CMTM8: variants seen among roughly 807,000 people sequenced by gnomAD.
CMTM8 encodes CKLF like MARVEL transmembrane domain containing 8, also known as CKLF-like MARVEL transmembrane domain-containing protein 8.
A neutral mutation model predicts 18.6 loss-of-function variants in CMTM8; 12 were observed. The observed-to-expected ratio is 0.65, with a 90% CI of 0.41 to 1.05. CMTM8 has a LOEUF of 1.05. CMTM8 is among the 50% of genes least tolerant of loss of function. CMTM8 has a pLI of 0.00. For missense variants in CMTM8, 217 were observed against 227.2 expected (o/e 0.95, Z 0.29); for synonymous variants, 87 against 90.6 (o/e 0.96, Z 0.23).
Position 32,239,018 on chromosome 3 carries a change from G to T in CMTM8, c.46G>T (p.Ala16Ser). The change falls in exon 1 of 4, where the codon GCC becomes TCC. Residue 16 changes from alanine to serine, a missense_variant. Physicochemically the swap from Ala to Ser is moderately conservative, Grantham distance 99 (BLOSUM62 1). Coordinates refer to ENST00000307526, the MANE Select transcript of CMTM8 (RefSeq NM_178868.5). ...RARSHTVTTT[A>S]SSFAENFSTS... ...CCGCTCGCACACAGTCACCACCACCGCCAGCTCCTTCGCAGAGAACTTCTC... is the reference window on the plus strand; with the variant it reads ...CCGCTCGCACACAGTCACCACCACCTCCAGCTCCTTCGCAGAGAACTTCTC... The T allele has an allele frequency of 6.4e-7, 1 of 1,567,052 alleles. No homozygotes were observed. Among genetic ancestry groups the T allele is most frequent in the Non-Finnish European group, 8.6e-7 (1 of 1,156,622 alleles).
chr3:32,317,174 G>C (rs11129515), intron 1 of CMTM8, among the ~76,000 whole-genome samples: 8 of 152,066 alleles, frequency 5.3e-5, no homozygotes, highest in African/African-American at 1.9e-4. Flanking sequence ...ACAGTTGGTC[G>C]TAGGATTGAC....
At chr3:32,316,579 T>C (rs1695936679) in intron 1 of CMTM8, among the ~76,000 whole-genome samples, 1 of 152,216 alleles carries the variant, frequency 6.6e-6, no homozygotes, top group African/African-American at 2.4e-5. Flanking sequence ...GTATAGAGCC[T>C]GATGGAGATG....
intron 2 of CMTM8, among the ~76,000 whole-genome samples, chr3:32,360,285 A>G (rs1452057159): frequency 6.6e-6 from 1 of 152,232 alleles, no homozygotes; most frequent in Non-Finnish European, 1.5e-5. Context: ...TTGTTTTCTA[A>G]GGCAATCTAG....
chr3:32,318,692 G>T (rs140490272), intron 1 of CMTM8, among the ~76,000 whole-genome samples: 7 of 148,818 alleles, frequency 4.7e-5, no homozygotes, highest in African/African-American at 1.7e-4. Flanking sequence ...TCAGCCTCCC[G>T]AGTACCTGGG....
intron 2 of CMTM8, among the ~76,000 whole-genome samples, chr3:32,362,170 A>T (rs140163235): frequency 2.7e-5 from 4 of 149,852 alleles, no homozygotes; most frequent in Non-Finnish European, 5.9e-5. Flanking sequence ...CCTCCTGAGT[A>T]TCTGGGATTA....
chr3:32,327,613 G>C (rs1696187991), intron 1 of CMTM8, among the ~76,000 whole-genome samples: 1 of 152,216 alleles, frequency 6.6e-6, no homozygotes, highest in South Asian at 2.1e-4. Flanking sequence ...GGCTTTCAGA[G>C]GGTAACTGGA....
chr3:32,279,178 T>TTA (rs34481657), intron 1 of CMTM8, among the ~76,000 whole-genome samples: 45 of 83,316 alleles, frequency 5.4e-4, no homozygotes, highest in East Asian at 1.5e-3. Context: ...TTTTTTTTTT[T>TTA]AATTTTTTTT....
intron 1 of CMTM8, among the ~76,000 whole-genome samples, chr3:32,324,893 C>A (rs1237498241): frequency 6.6e-6 from 1 of 152,222 alleles, no homozygotes; most frequent in Non-Finnish European, 1.5e-5. Context: ...GGAAAAGTAA[C>A]ATAAGGGGAG....
At chr3:32,276,445 G>A (rs762891988) in intron 1 of CMTM8, among the ~76,000 whole-genome samples, 1 of 152,182 alleles carries the variant, frequency 6.6e-6, no homozygotes, top group South Asian at 2.1e-4. Context: ...TGAGAGGATA[G>A]CAAGTGGTTT....
At chr3:32,317,794 G>A (rs531817044) in intron 1 of CMTM8, among the ~76,000 whole-genome samples, 1 of 152,254 alleles carries the variant, frequency 6.6e-6, no homozygotes, top group Admixed American at 6.5e-5. Context: ...GTTGGCTAAT[G>A]CCTGTAATCC....
intron 1 of CMTM8, among the ~76,000 whole-genome samples, chr3:32,318,712 A>G (rs954302805): frequency 1.3e-5 from 2 of 151,176 alleles, no homozygotes; most frequent in African/African-American, 2.4e-5. Context: ...GACTACAGGC[A>G]CCCGCCACCA....
rs148153403 is a variant in CMTM8, at chr3:32,267,449, T to C, written c.147+28330T>C. Among the ~76,000 whole-genome samples, 6 of 152,240 alleles carry C rather than the reference T, an allele frequency of 3.9e-5. No homozygotes were observed. In the East Asian group the frequency reaches 1.2e-3, roughly 29 times the overall value. On this transcript the variant is annotated intron_variant, in intron 1 of 3. Coordinates refer to ENST00000307526, the MANE Select transcript of CMTM8 (RefSeq NM_178868.5). ...TCCTTACACCTTATACAAAAATTAA[T>C]TCAAAATGGATTAAAGACTTAAATG...
At chr3:32,350,740 G>A (rs1370534527) in intron 1 of CMTM8, among the ~76,000 whole-genome samples, 1 of 152,124 alleles carries the variant, frequency 6.6e-6, no homozygotes, top group East Asian at 1.9e-4. Flanking sequence ...GGCCAGGCTG[G>A]TCTCGAACTC....
At chr3:32,277,885 A>G (rs1164136714) in intron 1 of CMTM8, among the ~76,000 whole-genome samples, 3 of 152,194 alleles carry the variant, frequency 2.0e-5, no homozygotes, top group South Asian at 4.1e-4. Context: ...TGCCCTCTGC[A>G]TGTAAGAGTG....
chr3:32,240,778 AC>A (rs1366812773), intron 1 of CMTM8, among the ~76,000 whole-genome samples: 1 of 151,978 alleles, frequency 6.6e-6, no homozygotes, highest in African/African-American at 2.4e-5. Context: ...CTAATTATGC[AC>A]CTTTTTTGTT....
At chr3:32,305,164 G>A (rs1401867535) in intron 1 of CMTM8, among the ~76,000 whole-genome samples, 1 of 151,704 alleles carries the variant, frequency 6.6e-6, no homozygotes, top group African/African-American at 2.4e-5. Flanking sequence ...GACTCAAGCG[G>A]CTAAGGCAGT....
Position 32,370,043 on chromosome 3 carries a change from T to A in CMTM8, c.*76T>A, listed in dbSNP as rs1246982592. On this transcript the variant is annotated 3_prime_UTR_variant, in exon 4 of 4. Transcript: ENST00000307526. ...AAAACAGCTGTAGGTATAATGTATA[T>A]TCCCAGAGAATTGTATTTAACTAAT... 1.3e-6 allele frequency: 1 copy of A among 763,286 alleles called. No homozygotes were observed. The highest frequency in any genetic ancestry group is 2.1e-6 in the Non-Finnish European group (1 of 471,046). The allele number at this position is 763,286 out of a possible 1,614,324, so 47.3% of individuals were successfully genotyped here. A position where few individuals can be genotyped will look rare whatever the true frequency, so the allele number is the denominator to read the frequency against.
At chr3:32,283,560 C>A (rs985598903) in intron 1 of CMTM8, among the ~76,000 whole-genome samples, 14 of 152,252 alleles carry the variant, frequency 9.2e-5, no homozygotes, top group Admixed American at 5.2e-4. Context: ...CCATTGATCC[C>A]GGGACACGTC....
At chr3:32,242,228 C>T in intron 1 of CMTM8, among the ~76,000 whole-genome samples, 1 of 152,236 alleles carries the variant, frequency 6.6e-6, no homozygotes, top group Admixed American at 6.5e-5. Flanking sequence ...ATTCTATACA[C>T]AATTCCTAGT....
Sources: allele counts gnomAD v4.1 joint callset (sites outside exome capture counted in the v4.1 genomes callset), GRCh38; gene constraint gnomAD v4.1.1; transcripts MANE v1.5; gene names NCBI Gene and HGNC (gene_info 2026-07-23, HGNC 2026-07-21).